Variants in CSMD1 observed in about 807,000 individuals in gnomAD.
CSMD1 encodes CUB and sushi domain-containing protein 1.
CSMD1 carries 213 observed loss-of-function variants against 417.5 expected under a neutral mutation model. The observed-to-expected ratio is 0.51, with a 90% confidence interval of 0.46 to 0.57. The LOEUF (loss-of-function observed/expected upper bound fraction) is 0.57, where lower values mean the gene tolerates loss of function less well. Ranked by LOEUF, CSMD1 falls within the 20% of genes least tolerant of loss-of-function variation. The pLI is 0.00. For missense variants in CSMD1, 6,923 were observed against 4,529.7 expected (o/e 1.53, Z -15.17); for synonymous variants, 2,862 against 1,736.8 (o/e 1.65, Z -16.11).
At chr8:4,177,228 G>A (rs577687229) in intron 3 of CSMD1, among the ~76,000 whole-genome samples, 88 of 152,190 alleles carry the variant, frequency 5.8e-4, no homozygotes, top group African/African-American at 1.9e-3. Context: ...ATAACAAACT[G>A]TCTCTCACAC....
intron 49 of CSMD1, among the ~76,000 whole-genome samples, chr8:3,063,326 C>T (rs771485084): frequency 6.6e-6 from 1 of 152,002 alleles, no homozygotes; most frequent in African/African-American, 2.4e-5. Flanking sequence ...AGAATAAAAA[C>T]GATAGCAAAA....
rs1301022359 is a variant in CSMD1, at chr8:3,703,356, A to G, written c.1009+5058T>C. On this transcript the variant is annotated intron_variant, in intron 7 of 69. Transcript: ENST00000635120. The stretch of plus-strand genomic sequence containing the variant: ...GTGGGTTCCCAAAGCAAAATTCACA[A>G]AAGACTCATCAGATTAGGAGGCATA... 2.0e-5 allele frequency among the ~76,000 whole-genome samples: 3 copies of G among 152,316 alleles called. No homozygotes were observed. The East Asian group carries it at 5.8e-4, about 29-fold the overall frequency.
chr8:3,250,133 G>C (rs1010891060), intron 26 of CSMD1, among the ~76,000 whole-genome samples: 1 of 152,180 alleles, frequency 6.6e-6, no homozygotes, highest in Non-Finnish European at 1.5e-5. Flanking sequence ...ATATATACAT[G>C]TGCCGTGTTG....
At chr8:3,818,238 C>T (rs542564845) in intron 5 of CSMD1, among the ~76,000 whole-genome samples, 10 of 152,174 alleles carry the variant, frequency 6.6e-5, no homozygotes, top group Admixed American at 3.3e-4. Context: ...AGATGCAGCC[C>T]CTGGGTCCGT....
intron 5 of CSMD1, among the ~76,000 whole-genome samples, chr8:3,815,231 G>C (rs1026550697): frequency 3.3e-5 from 5 of 152,160 alleles, no homozygotes; most frequent in Non-Finnish European, 7.3e-5. Context: ...GGAACATAGA[G>C]TACCCATATG....
chr8:4,520,904 G>C (rs959594829), intron 2 of CSMD1, among the ~76,000 whole-genome samples: 8 of 151,826 alleles, frequency 5.3e-5, no homozygotes, highest in Non-Finnish European at 1.0e-4. Flanking sequence ...GAAATATTTT[G>C]GACACATGGG....
At chr8:4,292,465 A>G (rs1797426353) in intron 3 of CSMD1, among the ~76,000 whole-genome samples, 1 of 152,072 alleles carries the variant, frequency 6.6e-6, no homozygotes, top group African/African-American at 2.4e-5. Flanking sequence ...TGTTAGTCAG[A>G]ATGGTCTCGA....
chr8:4,142,107 C>A (rs1233794645), intron 3 of CSMD1, among the ~76,000 whole-genome samples: 1 of 150,764 alleles, frequency 6.6e-6, no homozygotes, highest in African/African-American at 2.5e-5. Context: ...ATGTTTGAAG[C>A]AACATTTGTT....
chr8:3,207,975 T>A (rs554847402), intron 30 of CSMD1, among the ~76,000 whole-genome samples: 1 of 152,170 alleles, frequency 6.6e-6, no homozygotes, highest in Non-Finnish European at 1.5e-5. Flanking sequence ...CGCAGATATA[T>A]CCCTCAGATA....
At chr8:3,512,207 T>C (rs1369444811) in intron 10 of CSMD1, among the ~76,000 whole-genome samples, 1 of 152,206 alleles carries the variant, frequency 6.6e-6, no homozygotes, top group Non-Finnish European at 1.5e-5. Flanking sequence ...GTCCACCTAA[T>C]TTACCACCGC....
chr8:4,761,863 C>A (rs1459705264), intron 1 of CSMD1, among the ~76,000 whole-genome samples: 1 of 82,854 alleles, frequency 1.2e-5, no homozygotes, highest in African/African-American at 4.3e-5. Flanking sequence ...ATCTATCTAT[C>A]TATCTATCTA....
chr8:4,441,095 G>GTTTTTTTTTTTGTTTTTTT lies in CSMD1; in HGVS notation c.303-21031_303-21030insAAAAAAACAAAAAAAAAAA, dbSNP rs1798445115. On this transcript the variant is annotated intron_variant, in intron 2 of 69. Coordinates refer to ENST00000635120, the MANE Select transcript of CSMD1 (RefSeq NM_033225.6). ...AATAATTTGACTCGTTAATCAAAAG[G>GTTTTTTTTTTTGTTTTTTT]TTTTTTTTTTTTTTTTTTTTTTTAA... Among the ~76,000 whole-genome samples the GTTTTTTTTTTTGTTTTTTT allele has an allele frequency of 3.9e-5, 2 of 51,296 alleles. 1 individual carries two copies. The highest frequency in any genetic ancestry group is 7.2e-5 in the Non-Finnish European group (2 of 27,812). The allele number at this position is 51,296 out of a possible 152,430, so 33.7% of individuals were successfully genotyped here. A position where few individuals can be genotyped will look rare whatever the true frequency, so the allele number is the denominator to read the frequency against.
At chr8:3,739,938 A>C (rs1018701004) in intron 6 of CSMD1, among the ~76,000 whole-genome samples, 1 of 152,224 alleles carries the variant, frequency 6.6e-6, no homozygotes, top group African/African-American at 2.4e-5. Context: ...TAAAAATTAC[A>C]GAGAAACTAA....
chr8:4,913,956 G>T (rs913535318), intron 1 of CSMD1, among the ~76,000 whole-genome samples: 1 of 152,152 alleles, frequency 6.6e-6, no homozygotes, highest in Non-Finnish European at 1.5e-5. Flanking sequence ...CTAATTAATT[G>T]TAGCCAATTA....
intron 1 of CSMD1, among the ~76,000 whole-genome samples, chr8:4,881,701 A>T (rs1171765056): frequency 6.6e-6 from 1 of 152,052 alleles, no homozygotes; most frequent in African/African-American, 2.4e-5. Flanking sequence ...CAGCCCTTCC[A>T]CTTGATATTT....
At chr8:4,526,711 A>G (rs1008258616) in intron 2 of CSMD1, among the ~76,000 whole-genome samples, 1 of 152,212 alleles carries the variant, frequency 6.6e-6, no homozygotes, top group Non-Finnish European at 1.5e-5. Context: ...TATAATTATC[A>G]TTGCTTAAAT....
At chr8:3,986,751 T>C (rs1459584058) in intron 5 of CSMD1, among the ~76,000 whole-genome samples, 1 of 142,418 alleles carries the variant, frequency 7.0e-6, no homozygotes, top group African/African-American at 2.7e-5. Context: ...TTTTACAATG[T>C]TTAAGTGATT....
chr8:4,131,556 A>G (rs1803104927), intron 3 of CSMD1, among the ~76,000 whole-genome samples: 1 of 152,124 alleles, frequency 6.6e-6, no homozygotes, highest in Admixed American at 6.6e-5. Context: ...ACTGTAGAAA[A>G]TATTTTTCTC....
chr8:3,558,128 C>G (rs1825179), intron 10 of CSMD1, among the ~76,000 whole-genome samples: 63,546 of 141,458 alleles, frequency 0.45, 11,860 homozygotes, highest in African/African-American at 0.54. Flanking sequence ...AATGGTACCC[C>G]GTGTCCACTC....
Sources: allele counts gnomAD v4.1 joint callset (sites outside exome capture counted in the v4.1 genomes callset), GRCh38; gene constraint gnomAD v4.1.1; transcripts MANE v1.5; gene names NCBI Gene and HGNC (gene_info 2026-07-23, HGNC 2026-07-21).